WDR7: variants seen among roughly 807,000 people sequenced by gnomAD.
WDR7 encodes the protein WD repeat domain 7.
WDR7 carries 46 observed loss-of-function variants against 169.4 expected under a neutral mutation model. That is an observed-to-expected ratio of 0.27 (90% CI 0.21 to 0.35). The LOEUF is 0.35. Among genes scored for constraint, WDR7 ranks in the 10% least tolerant of loss-of-function variants. WDR7 has a pLI of 1.00. For missense variants in WDR7, 1,534 were observed against 1,859.3 expected, an observed-to-expected ratio of 0.83 and a Z score of 3.22; for synonymous variants, 612 against 666.8, an observed-to-expected ratio of 0.92 and a Z score of 1.27.
At chr18:56,990,905 G>A (rs911059329) in intron 26 of WDR7, among the ~76,000 whole-genome samples, 12 of 151,990 alleles carry the variant, frequency 7.9e-5, no homozygotes, top group Middle Eastern at 3.4e-3. Flanking sequence ...TCCCCATTCC[G>A]GGTTCTCTTC....
At chr18:56,779,360 A>T (rs527589438) in intron 17 of WDR7, 71 bp from the exon 18 acceptor site, 98 of 1,215,346 alleles carry the variant, frequency 8.1e-5, no homozygotes, top group Non-Finnish European at 9.1e-5. Flanking sequence ...TGGTATACTT[A>T]CATAAAGAAC....
chr18:56,679,067 A>G (rs1386208305), intron 2 of WDR7, among the ~76,000 whole-genome samples: 1 of 151,530 alleles, frequency 6.6e-6, no homozygotes, highest in African/African-American at 2.4e-5. Flanking sequence ...TGTTGTAACC[A>G]CTCCCTGGCT....
At chr18:56,816,372 C>A (rs1280617556) in intron 20 of WDR7, among the ~76,000 whole-genome samples, 1 of 152,098 alleles carries the variant, frequency 6.6e-6, no homozygotes, top group African/African-American at 2.4e-5. Flanking sequence ...TAACAATAAA[C>A]CTACTAGCTG....
At chr18:56,767,683 A>G (rs2044088649) in intron 16 of WDR7, among the ~76,000 whole-genome samples, 3 of 152,202 alleles carry the variant, frequency 2.0e-5, no homozygotes, top group Admixed American at 1.3e-4. Context: ...AAATGTTCCA[A>G]ATATCTATTA....
intron 26 of WDR7, among the ~76,000 whole-genome samples, chr18:56,976,912 G>T (rs2047574231): frequency 6.6e-6 from 1 of 152,190 alleles, no homozygotes; most frequent in Non-Finnish European, 1.5e-5. Flanking sequence ...AAAACTTGCT[G>T]ACATCTGCCA....
chr18:56,829,103 G>A (rs2145271982), intron 20 of WDR7, among the ~76,000 whole-genome samples: 1 of 144,934 alleles, frequency 6.9e-6, no homozygotes, highest in South Asian at 2.2e-4. Flanking sequence ...CGGCAACATA[G>A]TGAAACTTCA....
intron 13 of WDR7, among the ~76,000 whole-genome samples, chr18:56,725,157 G>C (rs1004857272): frequency 6.6e-6 from 1 of 150,582 alleles, no homozygotes; most frequent in Non-Finnish European, 1.5e-5. Flanking sequence ...ATAATCCTTT[G>C]GGTATATACC....
At chr18:56,672,374 G>A in intron 1 of WDR7, 123 bp from the exon 2 acceptor site, 1 of 381,756 alleles carries the variant, frequency 2.6e-6, no homozygotes. Context: ...AAATATTTAA[G>A]TAGCTGTAAT....
chr18:56,904,311 C>T (rs945688674), intron 21 of WDR7, among the ~76,000 whole-genome samples: 23 of 152,022 alleles, frequency 1.5e-4, no homozygotes, highest in African/African-American at 5.3e-4. Context: ...CTCAGGTGAT[C>T]CGCCTGTCTC....
intron 26 of WDR7, among the ~76,000 whole-genome samples, chr18:56,971,133 A>G (rs2047478386): frequency 6.6e-6 from 1 of 152,038 alleles, no homozygotes; most frequent in African/African-American, 2.4e-5. Context: ...TTAGCTGAGC[A>G]TGGTGATAGG....
chr18:56,745,524 C>T (rs2043688709), intron 14 of WDR7, among the ~76,000 whole-genome samples: 1 of 152,142 alleles, frequency 6.6e-6, no homozygotes, highest in Admixed American at 6.5e-5. Flanking sequence ...CCCTTGCATA[C>T]ACAGTTCACA....
At chr18:56,901,224 G>A (rs371383654) in intron 21 of WDR7, among the ~76,000 whole-genome samples, 7 of 152,186 alleles carry the variant, frequency 4.6e-5, no homozygotes, top group Middle Eastern at 3.4e-3. Context: ...TAGCAAGACC[G>A]TGTCTTTGAA....
chr18:56,938,827 G>A (rs1000347395), intron 24 of WDR7, 145 bp downstream of exon 24: 1 of 910,494 alleles, frequency 1.1e-6, no homozygotes, highest in Admixed American at 3.2e-5. Flanking sequence ...GTGTGTGTGT[G>A]TGTGTGTGTG....
At chr18:56,744,251 A>G (rs1169199428) in intron 14 of WDR7, among the ~76,000 whole-genome samples, 3 of 133,062 alleles carry the variant, frequency 2.3e-5, no homozygotes, top group Admixed American at 7.6e-5. Flanking sequence ...AAAAGAAAAA[A>G]AAAAAAAAAA....
chr18:57,021,053 A>G (rs2048282532), intron 27 of WDR7, among the ~76,000 whole-genome samples: 1 of 152,202 alleles, frequency 6.6e-6, no homozygotes, highest in Non-Finnish European at 1.5e-5. Flanking sequence ...ATCTGGAAAG[A>G]GGGGCATCTG....
chr18:56,897,308 A>C (rs2046343675), intron 21 of WDR7, among the ~76,000 whole-genome samples: 1 of 151,980 alleles, frequency 6.6e-6, no homozygotes, highest in African/African-American at 2.4e-5. Context: ...GTAACCCAGG[A>C]AACATGTACA....
chr18:56,750,489 C>T (rs9965343), intron 14 of WDR7, among the ~76,000 whole-genome samples: 2,092 of 152,262 alleles, frequency 0.014, 46 homozygotes, highest in African/African-American at 0.048. Context: ...TCCCAAGCAT[C>T]TTGCACATAA....
chr18:56,915,692 G>A (rs139956365), intron 21 of WDR7, among the ~76,000 whole-genome samples: 297 of 152,260 alleles, frequency 2.0e-3, no homozygotes, highest in African/African-American at 6.8e-3. Flanking sequence ...TAATACTCAT[G>A]AATTATCCCT....
chr18:57,009,007 C>G (rs1317212651), intron 26 of WDR7, among the ~76,000 whole-genome samples: 1 of 149,236 alleles, frequency 6.7e-6, no homozygotes, highest in East Asian at 1.9e-4. Context: ...AAATTTTAAT[C>G]CACTAAGTGA....
Sources: allele counts gnomAD v4.1 joint callset (sites outside exome capture counted in the v4.1 genomes callset), GRCh38; gene constraint gnomAD v4.1.1; transcripts MANE v1.5; gene names NCBI Gene and HGNC (gene_info 2026-07-23, HGNC 2026-07-21).